BMPR1B: variants seen among roughly 807,000 people sequenced by gnomAD.
BMPR1B encodes the protein bone morphogenetic protein receptor type 1B, also known as bone morphogenetic protein receptor type-1B.
BMPR1B carries 12 observed loss-of-function variants against 59.1 expected under a neutral mutation model. The ratio of observed to expected loss-of-function variants is 0.20; its 90% CI spans 0.13 to 0.33. The LOEUF (loss-of-function observed/expected upper bound fraction) is 0.33, where lower values mean the gene tolerates loss of function less well. Among genes scored for constraint, BMPR1B ranks in the 10% least tolerant of loss-of-function variants. BMPR1B has a pLI of 1.00. For missense variants in BMPR1B, 550 were observed against 610.9 expected (o/e 0.90, Z 1.05); for synonymous variants, 237 against 207.3 (o/e 1.14, Z -1.23).
intron 2 of BMPR1B, among the ~76,000 whole-genome samples, chr4:94,905,353 T>A (rs934228713): frequency 2.6e-5 from 4 of 152,062 alleles, no homozygotes; most frequent in Non-Finnish European, 4.4e-5. Context: ...GCTTCTGTAG[T>A]GAAGACAACT....
chr4:95,062,697 G>A (rs1727490287), intron 3 of BMPR1B, among the ~76,000 whole-genome samples: 1 of 152,164 alleles, frequency 6.6e-6, no homozygotes, highest in South Asian at 2.1e-4. Flanking sequence ...CATGGTTAAT[G>A]TTCCTTTCCA....
intron 1 of BMPR1B, among the ~76,000 whole-genome samples, chr4:94,861,924 GT>G (rs1560520252): frequency 6.6e-6 from 1 of 152,066 alleles, no homozygotes; most frequent in Non-Finnish European, 1.5e-5. Context: ...ACCATCCCAA[GT>G]CTGAGTTTTA....
intron 1 of BMPR1B, among the ~76,000 whole-genome samples, chr4:94,807,689 AT>A (rs1191478272): frequency 6.6e-6 from 1 of 152,042 alleles, no homozygotes; most frequent in Non-Finnish European, 1.5e-5. Context: ...TTCAGCATCT[AT>A]TTACTTTTTA....
chr4:94,980,447 G>GA (rs141393825), intron 2 of BMPR1B, among the ~76,000 whole-genome samples: 6,246 of 151,990 alleles, frequency 0.041, 429 homozygotes, highest in African/African-American at 0.14. Context: ...ACATTGATGA[G>GA]AAAAAAAATT....
At chr4:95,033,495 C>T (rs1725027515) in intron 3 of BMPR1B, among the ~76,000 whole-genome samples, 1 of 152,028 alleles carries the variant, frequency 6.6e-6, no homozygotes, top group Admixed American at 6.6e-5. Context: ...CTCCAACTTC[C>T]TTCTTTTACA....
chr4:95,057,166 TTGC>T (rs1726992658), intron 3 of BMPR1B, among the ~76,000 whole-genome samples: 1 of 152,202 alleles, frequency 6.6e-6, no homozygotes, highest in Non-Finnish European at 1.5e-5. Context: ...TTATAGTTTC[TTGC>T]TTGACTCAAA....
intron 2 of BMPR1B, among the ~76,000 whole-genome samples, chr4:94,988,144 A>T (rs2149095052): frequency 6.6e-6 from 1 of 152,214 alleles, no homozygotes; most frequent in South Asian, 2.1e-4. Flanking sequence ...AAAATGCTTG[A>T]AATTATATTG....
At chr4:95,039,356 G>A (rs1725484063) in intron 3 of BMPR1B, among the ~76,000 whole-genome samples, 2 of 151,612 alleles carry the variant, frequency 1.3e-5, no homozygotes, top group Admixed American at 1.3e-4. Context: ...CTAAAGTCTG[G>A]TGTCTCTGTG....
chr4:94,894,710 T>A (rs1246370450), intron 2 of BMPR1B, among the ~76,000 whole-genome samples: 1 of 151,366 alleles, frequency 6.6e-6, no homozygotes, highest in Admixed American at 6.6e-5. Context: ...AAGGGAATTG[T>A]TGATTTGATT....
intron 1 of BMPR1B, among the ~76,000 whole-genome samples, chr4:94,818,585 G>A (rs1724094382): frequency 1.3e-5 from 2 of 152,186 alleles, no homozygotes; most frequent in South Asian, 4.1e-4. Flanking sequence ...TCCTCCTCTT[G>A]TGGAGCACAC....
At chr4:94,913,183 A>G (rs1339223908) in intron 2 of BMPR1B, among the ~76,000 whole-genome samples, 1 of 152,154 alleles carries the variant, frequency 6.6e-6, no homozygotes, top group Non-Finnish European at 1.5e-5. Flanking sequence ...AGTGGGCAAC[A>G]TATATGTATA....
At chr4:95,034,055 G>C (rs1725061247) in intron 3 of BMPR1B, among the ~76,000 whole-genome samples, 1 of 151,988 alleles carries the variant, frequency 6.6e-6, no homozygotes, top group African/African-American at 2.4e-5. Flanking sequence ...ATTTACACAG[G>C]AAATAAAGTT....
chr4:94,862,966 A>AG (rs1726056283), intron 1 of BMPR1B, among the ~76,000 whole-genome samples: 1 of 130,262 alleles, frequency 7.7e-6, no homozygotes, highest in Non-Finnish European at 1.5e-5. Flanking sequence ...AAAAAAAAAA[A>AG]ATTTAGCTGG....
At chr4:95,140,452 T>C (rs1579150831) in intron 10 of BMPR1B, among the ~76,000 whole-genome samples, 1 of 152,274 alleles carries the variant, frequency 6.6e-6, no homozygotes, top group South Asian at 2.1e-4. Flanking sequence ...CCTTATATAT[T>C]CCATGCTTGC....
chr4:95,094,742 G>T (rs915159697), intron 3 of BMPR1B, among the ~76,000 whole-genome samples: 1 of 152,036 alleles, frequency 6.6e-6, no homozygotes, highest in Non-Finnish European at 1.5e-5. Flanking sequence ...ATCAAGTCTA[G>T]CTCCACTGCT....
At chr4:94,869,385 G>C (rs2148965902) in intron 1 of BMPR1B, among the ~76,000 whole-genome samples, 1 of 152,052 alleles carries the variant, frequency 6.6e-6, no homozygotes, top group Middle Eastern at 3.4e-3. Flanking sequence ...ATTTCTTCCA[G>C]ATCACATGCT....
At chr4:94,990,409 A>G (rs1721659849) in intron 2 of BMPR1B, among the ~76,000 whole-genome samples, 1 of 152,216 alleles carries the variant, frequency 6.6e-6, no homozygotes, top group South Asian at 2.1e-4. Flanking sequence ...TTATAGCAGC[A>G]TTATTCATAA....
At chr4:94,807,026 G>T (rs1248188182) in intron 1 of BMPR1B, among the ~76,000 whole-genome samples, 1 of 152,034 alleles carries the variant, frequency 6.6e-6, no homozygotes, top group African/African-American at 2.4e-5. Context: ...TATAATGAAA[G>T]ACATCTGTAT....
At chr4:94,767,993 T>A (rs1722031794) in intron 1 of BMPR1B, among the ~76,000 whole-genome samples, 1 of 152,030 alleles carries the variant, frequency 6.6e-6, no homozygotes, top group African/African-American at 2.4e-5. Flanking sequence ...ATAAATGAAC[T>A]TCTTCCAAAA....
Sources: gnomAD v4.1 joint callset for allele counts (sites outside exome capture counted in the v4.1 genomes callset) on GRCh38, gnomAD v4.1.1 for gene constraint, MANE v1.5 for transcripts, NCBI Gene and HGNC (gene_info 2026-07-23, HGNC 2026-07-21) for gene names.